TTN: variants seen among roughly 807,000 people sequenced by gnomAD.
TTN encodes titin.
TTN carries 1,525 observed loss-of-function variants against 3,223.0 expected under a neutral mutation model. That is an observed-to-expected ratio of 0.47 (90% CI 0.45 to 0.49). The LOEUF (loss-of-function observed/expected upper bound fraction) is 0.49. TTN is among the 20% of genes least tolerant of loss of function. The pLI, the probability that TTN is intolerant of heterozygous loss-of-function variation, is 0.00. For synonymous variants in TTN, 14,094 were observed against 15,161.0 expected (o/e 0.93, Z 5.17); for missense variants, 40,786 against 43,424.0 (o/e 0.94, Z 5.40).
rs895908518 is a variant in TTN, at chr2:178,768,748, C to T, written c.9088G>A (p.Val3030Ile). Residue 3030 changes from valine (V) to isoleucine (I), a missense_variant, in exon 38 of 363, where the codon GTT (valine) becomes ATT (isoleucine). Coordinates refer to ENST00000589042, the MANE Select transcript of TTN (RefSeq NM_001267550.2). ...TAGTCAGCAGCATCCCCAAAGTGAA[C>T]ATTCCTGATGTTCAGTGAGTGTGTG... Reference protein sequence around the residue: ...KLTHSLNIRNVHFGDAADYTF... With the variant: ...KLTHSLNIRNIHFGDAADYTF... 4 of 1,614,006 alleles carry T rather than the reference C, an allele frequency of 2.5e-6. No individual in the cohort carries two copies. The highest frequency in any genetic ancestry group is 3.4e-6 in the Non-Finnish European group (4 of 1,180,020).
chr2:178,789,634 C>A, intron 12 of TTN, 137 bp from the exon 13 acceptor site: 1 of 1,188,526 alleles, frequency 8.4e-7, no homozygotes, highest in Middle Eastern at 1.9e-4. Flanking sequence ...CTTTCACCGG[C>A]AATGTCTACA....
In TTN at chr2:178,766,728, A is replaced by G. The variant is rs1325187586; in HGVS notation, c.9472-116T>C. The G allele has an allele frequency of 6.8e-5, 53 of 779,830 alleles. 1 individual carries two copies. Among genetic ancestry groups the G allele is most frequent in the South Asian group, 1.9e-4 (12 of 64,482 alleles). 48.3% of individuals were successfully genotyped at this position (779,830 alleles called of 1,614,324 possible). A position where few individuals can be genotyped will look rare whatever the true frequency, so the allele number is the denominator to read the frequency against. On this transcript the variant is annotated intron_variant, in intron 40 of 362. Coordinates refer to ENST00000589042, the MANE Select transcript of TTN (RefSeq NM_001267550.2). ...AATGAATGGCATGTGAAACCAATATATTATAATGTAATAAGTTGGCTGATT... is the reference window on the plus strand; with the variant it reads ...AATGAATGGCATGTGAAACCAATATGTTATAATGTAATAAGTTGGCTGATT...
chr2:178,622,825 T>TA, intron 242 of TTN, 58 bp from the exon 243 acceptor site: 2 of 1,239,318 alleles, frequency 1.6e-6, no homozygotes, highest in Non-Finnish European at 2.3e-6. Flanking sequence ...ACTCTGACAT[T>TA]ACCATAGTAT....
At chr2:178,790,996 T>C (rs1649309765) in intron 10 of TTN, 151 bp from the exon 11 acceptor site, 5 of 955,910 alleles carry the variant, frequency 5.2e-6, no homozygotes, top group Non-Finnish European at 7.8e-6. Flanking sequence ...TTGTGCTTAA[T>C]ACATAGACTG....
rs564715146 is a variant in TTN at position 178,543,204 on chromosome 2, G to A, written c.96769C>T (p.Pro32257Ser). The A allele has an allele frequency of 1.9e-6, 3 of 1,613,678 alleles. No individual in the cohort carries two copies. In the South Asian group the frequency reaches 3.3e-5, roughly 18 times the overall value. The change falls in exon 347 of 363, where the codon CCC becomes TCC. Residue 32257 changes from proline to serine, a missense_variant. Transcript: ENST00000589042. Reference sequence around the variant, plus strand: ...GTAACAGTGTGCTCTAGGACTGTGGGTTTTAAGGTGACAACCTTCATCCAT... The same window carrying A: ...GTAACAGTGTGCTCTAGGACTGTGGATTTTAAGGTGACAACCTTCATCCAT... ...ERWMKVVTLK[P>S]TVLEHTVTSL...
At chr2:178,757,231 T>TACTGTC (rs1252574568) in intron 45 of TTN, among the ~76,000 whole-genome samples, 2 of 148,874 alleles carry the variant, frequency 1.3e-5, no homozygotes, top group African/African-American at 2.5e-5. Flanking sequence ...TAAGTAATAA[T>TACTGTC]CAGCAAATAG....
intron 127 of TTN, among the ~76,000 whole-genome samples, chr2:178,687,429 A>C (rs2071213813): frequency 1.4e-5 from 2 of 144,322 alleles, no homozygotes; most frequent in South Asian, 4.2e-4. Flanking sequence ...ATAGGTATGA[A>C]AAGATCTGAG....
chr2:178,732,450 C>T lies in TTN; in HGVS notation c.16611G>A (p.Leu5537=), dbSNP rs763076529. The T allele has an allele frequency of 6.2e-7, 1 of 1,600,032 alleles. No individual in the cohort carries two copies. Among genetic ancestry groups the T allele is most frequent in the Non-Finnish European group, 8.5e-7 (1 of 1,171,798 alleles). Residue 5537 remains leucine (L), a synonymous_variant, in exon 56 of 363, where the codon TTG becomes TTA. Coordinates refer to ENST00000589042, the MANE Select transcript of TTN (RefSeq NM_001267550.2). ...VAGGVECSAN[L]FVKEPATFVE... ...GAAAACAATGCAAACCTTTTACAAACAAGTTTGCACTGCATTCCACCCCTC... is the reference window on the plus strand; with the variant it reads ...GAAAACAATGCAAACCTTTTACAAATAAGTTTGCACTGCATTCCACCCCTC...
chr2:178,608,913 T>G lies in TTN; in HGVS notation c.52103-5A>C, dbSNP rs2055585957. ...TGATTGGTGGTCCCGGTGTATCTAA[T>G]ATTTCAGAAGAGAACAGTAATCAAA... is the stretch of plus-strand genomic sequence containing the variant. On this transcript the variant is annotated splice_polypyrimidine_tract_variant and splice_region_variant and intron_variant, in intron 273 of 362. Transcript: ENST00000589042. 1 of 1,605,342 alleles carries G rather than the reference T, an allele frequency of 6.2e-7. No individual in the cohort carries two copies. Among genetic ancestry groups the G allele is most frequent in the Non-Finnish European group, 8.5e-7 (1 of 1,178,590 alleles).
chr2:178,573,270 T>C lies in TTN; in HGVS notation c.72862A>G (p.Thr24288Ala). Residue 24288 changes from threonine to alanine, a missense_variant, in exon 326 of 363, where the codon ACA (threonine) becomes GCA (alanine). Coordinates refer to ENST00000589042, the MANE Select transcript of TTN (RefSeq NM_001267550.2). ...TDLRYKVSGL[T>A]EGHEYEFRIM... ...CTGAACTCATATTCATGTCCTTCTG[T>C]CAGTCCAGACACTTTATATCTTAAA... 1 of 1,605,046 alleles carries C rather than the reference T, an allele frequency of 6.2e-7. No individual in the cohort carries two copies. Among genetic ancestry groups the C allele is most frequent in the African/African-American group, 1.3e-5 (1 of 74,786 alleles).
At position 178,557,995 on chromosome 2, in the gene TTN, G is replaced by A; in HGVS notation, c.87359C>T (p.Ala29120Val). ...AGCTTTGGTTGTACCACTGGAGTTG[G>A]CAGCAGTGATTTCATATCTCCCAGC... ...ADAGRYEITA[A>V]NSSGTTKAFI... Residue 29120 changes from alanine to valine, a missense_variant, in exon 328 of 363, where the codon GCC becomes GTC. By Grantham distance (64) the Ala-to-Val change is moderately conservative. Transcript: ENST00000589042. 6.2e-7 allele frequency: 1 copy of A among 1,613,654 alleles called. No individual in the cohort carries two copies. Among genetic ancestry groups the A allele is most frequent in the Non-Finnish European group, 8.5e-7 (1 of 1,179,860 alleles).
chr2:178,577,031 T>A lies in TTN; in HGVS notation c.69304A>T (p.Thr23102Ser), dbSNP rs1372466257. 6.2e-7 allele frequency: 1 copy of A among 1,613,496 alleles called. No individual in the cohort carries two copies. Among genetic ancestry groups the A allele is most frequent in the East Asian group, 2.2e-5 (1 of 44,828 alleles). Residue 23102 changes from threonine (T) to serine (S), a missense_variant, in exon 324 of 363, where the codon ACC (threonine) becomes TCC (serine). By Grantham distance (58) the Thr-to-Ser change is moderately conservative (BLOSUM62 1). Coordinates refer to ENST00000589042, the MANE Select transcript of TTN (RefSeq NM_001267550.2). ...EDIQSCRHVA[T>S]KLIQGNEYIF... ...TACTCATTTCCTTGGATAAGTTTGG[T>A]TGCCACATGCCTGCAAGACTGAATA... is the stretch of plus-strand genomic sequence containing the variant.
Position 178,560,320 on chromosome 2 carries a change from T to C in TTN, c.85812A>G (p.Pro28604=). The change falls in exon 326 of 363, where the codon CCA becomes CCG. Residue 28604 remains proline, a synonymous_variant. Transcript: ENST00000589042. ...TTGATTTCACTCTTAGATCATAAAC[T>C]GGTTTTTTGTTTACACGCACCCATC... ...SLRWVRVNKK[P]VYDLRVKSTG... The C allele has an allele frequency of 1.2e-6, 2 of 1,613,856 alleles. No individual in the cohort carries two copies. Among genetic ancestry groups the C allele is most frequent in the South Asian group, 1.1e-5 (1 of 91,084 alleles).
At position 178,590,011 on chromosome 2, in the gene TTN, G is replaced by T. The variant is rs1333184630; in HGVS notation, c.61714C>A (p.Pro20572Thr). 6.2e-7 allele frequency: 1 copy of T among 1,613,030 alleles called. No individual in the cohort carries two copies. The highest frequency in any genetic ancestry group is 8.5e-7 in the Non-Finnish European group (1 of 1,179,482). Reference protein sequence around the residue: ...AIVNVLDRPGPCQNLKVTNVT... With the variant: ...AIVNVLDRPGTCQNLKVTNVT... ...TTGGTAACCTTCAAATTCTGGCAAG[G>T]CCCAGGTCTGTCAAGGACGTTAACG... Residue 20572 changes from proline (P) to threonine (T), a missense_variant, in exon 304 of 363, where the codon CCT becomes ACT. Transcript: ENST00000589042.
chr2:178,745,722 T>C (rs1368897950), intron 47 of TTN: 2 of 1,612,456 alleles, frequency 1.2e-6, no homozygotes, highest in Non-Finnish European at 1.7e-6. Context: ...TCCTCAACAG[T>C]GAACCTTCTT....
At chr2:178,579,497 G>A in intron 319 of TTN, 64 bp downstream of exon 319, 1 of 1,591,596 alleles carries the variant, frequency 6.3e-7, no homozygotes, top group East Asian at 2.2e-5. Context: ...CTAGTGAGTG[G>A]GACACAAGAG....
chr2:178,708,017 C>G (rs1426258576), intron 99 of TTN, among the ~76,000 whole-genome samples: 1 of 152,130 alleles, frequency 6.6e-6, no homozygotes, highest in African/African-American at 2.4e-5. Flanking sequence ...GGTTTAAAAA[C>G]AAGCAAAGAA....
intron 353 of TTN, 36 bp downstream of exon 353, chr2:178,538,910 C>T (rs765891102): frequency 1.3e-6 from 2 of 1,584,138 alleles, no homozygotes; most frequent in South Asian, 2.3e-5. Flanking sequence ...ACATGGCTTG[C>T]TTCTTTAATT....
In TTN at chr2:178,544,247, G is replaced by A. The variant is rs761895710; in HGVS notation, c.95982C>T (p.Ser31994=). The A allele has an allele frequency of 1.2e-5, 19 of 1,613,640 alleles. No individual in the cohort carries two copies. The East Asian group carries it at 1.3e-4, about 11-fold the overall frequency. Residue 31994 remains serine, a synonymous_variant, in exon 345 of 363, where the codon AGC becomes AGT. Coordinates refer to ENST00000589042, the MANE Select transcript of TTN (RefSeq NM_001267550.2). The stretch of plus-strand genomic sequence containing the variant: ...TTTCAGCAATTGATTCGCTGTATTC[G>A]CTCATACCCTTCACGTTCACGGCAG... ...RVAAVNVKGM[S]EYSESIAEIE... is the part of the protein sequence containing the mutation.
Sources: gnomAD v4.1 joint callset for allele counts (sites outside exome capture counted in the v4.1 genomes callset) on GRCh38, gnomAD v4.1.1 for gene constraint, MANE v1.5 for transcripts, NCBI Gene and HGNC (gene_info 2026-07-23, HGNC 2026-07-21) for gene names.